SUMF1: variants seen among roughly 807,000 people sequenced by gnomAD.
SUMF1 encodes the protein sulfatase modifying factor 1, also known as formylglycine-generating enzyme.
In SUMF1, 48 loss-of-function variants were observed where a neutral mutation model predicts 47.6. The observed-to-expected ratio is 1.01, with a 90% CI of 0.80 to 1.28. The LOEUF is 1.28. Among genes scored for constraint, SUMF1 ranks in the 50% most tolerant of loss-of-function variants. The probability of loss-of-function intolerance (pLI) is 0.00; values close to 1 mark genes in which losing one functional copy is unlikely to be tolerated. For missense variants in SUMF1, 571 were observed against 485.4 expected, an observed-to-expected ratio of 1.18 and a Z score of -1.66; for synonymous variants, 230 against 192.1, an observed-to-expected ratio of 1.20 and a Z score of -1.63.
chr3:4,303,963 C>CTG, intron 8 of SUMF1: 1 of 852,906 alleles, frequency 1.2e-6, no homozygotes, highest in Admixed American at 4.1e-5. Context: ...CTCCCTCACG[C>CTG]TGTGGGCTCT....
At chr3:4,127,538 C>G (rs1453712446) in intron 8 of SUMF1, among the ~76,000 whole-genome samples, 1 of 152,134 alleles carries the variant, frequency 6.6e-6, no homozygotes, top group Non-Finnish European at 1.5e-5. Flanking sequence ...TTCTCTTGTG[C>G]TGGATGCTTC....
intron 8 of SUMF1, among the ~76,000 whole-genome samples, chr3:4,078,332 T>C (rs568489778): frequency 6.6e-6 from 1 of 151,926 alleles, no homozygotes; most frequent in Admixed American, 6.6e-5. Flanking sequence ...AAACTCAAAC[T>C]ATCCACTACC....
chr3:4,055,495 T>C (rs7648896), intron 9 of SUMF1, among the ~76,000 whole-genome samples: 1 of 152,106 alleles, frequency 6.6e-6, no homozygotes, highest in Non-Finnish European at 1.5e-5. Flanking sequence ...TATTATTAAT[T>C]TTTTAGAGAC....
At chr3:4,241,057 G>A (rs570820880) in intron 8 of SUMF1, among the ~76,000 whole-genome samples, 1 of 152,076 alleles carries the variant, frequency 6.6e-6, no homozygotes, top group South Asian at 2.1e-4. Flanking sequence ...TCAGTAGAAA[G>A]TAATTAGTAG....
chr3:4,252,208 C>T lies in SUMF1; in HGVS notation c.1014+124122G>A, dbSNP rs73115996. On this transcript the variant is annotated intron_variant and NMD_transcript_variant, in intron 8 of 12. Transcript: ENST00000448413. The stretch of plus-strand genomic sequence containing the variant: ...AATATACTGTAGCTACAAATGATGA[C>T]AGAATTAATGGTTGCCCCATGTCCT... Among the ~76,000 whole-genome samples, 1,373 of 152,250 alleles carry T rather than the reference C, an allele frequency of 9.0e-3. 20 individuals are homozygous for T. Among genetic ancestry groups the T allele is most frequent in the African/African-American group, 0.032 (1,309 of 41,540 alleles).
At chr3:4,298,668 T>A (rs1202879074) in intron 8 of SUMF1, among the ~76,000 whole-genome samples, 1 of 152,222 alleles carries the variant, frequency 6.6e-6, no homozygotes, top group Non-Finnish European at 1.5e-5. Context: ...ATTCTGTAAG[T>A]ATATAGTTAT....
At chr3:4,140,595 T>C (rs1318530286) in intron 8 of SUMF1, among the ~76,000 whole-genome samples, 1 of 152,050 alleles carries the variant, frequency 6.6e-6, no homozygotes, top group Non-Finnish European at 1.5e-5. Flanking sequence ...ATTTTTCTAT[T>C]CATATACTCC....
intron 8 of SUMF1, among the ~76,000 whole-genome samples, chr3:4,259,214 G>C (rs910452952): frequency 6.6e-6 from 1 of 151,878 alleles, no homozygotes; most frequent in African/African-American, 2.4e-5. Flanking sequence ...GTATACATAT[G>C]TAAGTAACCT....
In SUMF1 at chr3:4,362,119, G is replaced by A; in HGVS notation, c.*25C>T. 6.2e-7 allele frequency: 1 copy of A among 1,606,218 alleles called. No homozygotes were observed. The highest frequency in any genetic ancestry group is 2.2e-5 in the East Asian group (1 of 44,828). On this transcript the variant is annotated 3_prime_UTR_variant, in exon 9 of 9. Transcript: ENST00000272902. Reference sequence around the variant, plus strand: ...GTAGGTCAGACACGACTGCTCCTTGGACTGGGGAAGACTTTCCTTGGTTGT... The same window carrying A: ...GTAGGTCAGACACGACTGCTCCTTGAACTGGGGAAGACTTTCCTTGGTTGT...
At chr3:4,320,445 A>G (rs976667556) in intron 8 of SUMF1, among the ~76,000 whole-genome samples, 3 of 152,172 alleles carry the variant, frequency 2.0e-5, no homozygotes, top group Admixed American at 6.5e-5. Context: ...TTAAGAAGAG[A>G]AAGACCATTT....
At chr3:4,209,230 A>G (rs910048228) in intron 8 of SUMF1, among the ~76,000 whole-genome samples, 1 of 152,202 alleles carries the variant, frequency 6.6e-6, no homozygotes, top group Non-Finnish European at 1.5e-5. Flanking sequence ...TCCAATATGT[A>G]TAAATTTTAC....
chr3:4,411,690 G>T (rs577132058), intron 6 of SUMF1, among the ~76,000 whole-genome samples: 3 of 147,346 alleles, frequency 2.0e-5, no homozygotes, highest in African/African-American at 7.6e-5. Context: ...TTTATAAAAG[G>T]GGGGAGAGCA....
rs1699742062 is a variant in SUMF1 at position 4,361,150 on chromosome 3, A to T, written c.*994T>A. On this transcript the variant is annotated 3_prime_UTR_variant, in exon 9 of 9. Coordinates refer to ENST00000272902, the MANE Select transcript of SUMF1 (RefSeq NM_182760.4). The stretch of plus-strand genomic sequence containing the variant: ...AAGAAGCTGATGACGGTGAAGCCTG[A>T]TTTAGCAGATACGTTTATTCAACAC... 2 of 152,358 alleles carry T rather than the reference A, an allele frequency of 1.3e-5. No individual in the cohort carries two copies. The highest frequency in any genetic ancestry group is 2.9e-5 in the Non-Finnish European group (2 of 68,036). 9.4% of individuals were successfully genotyped at this position (152,358 alleles called of 1,614,324 possible). A position where few individuals can be genotyped will look rare whatever the true frequency, so the allele number is the denominator to read the frequency against.
intron 8 of SUMF1, among the ~76,000 whole-genome samples, chr3:4,235,265 T>A (rs1299226376): frequency 1.3e-5 from 2 of 152,138 alleles, no homozygotes; most frequent in African/African-American, 4.8e-5. Context: ...CTTATTTTCT[T>A]GCCTGAGCAA....
intron 8 of SUMF1, among the ~76,000 whole-genome samples, chr3:4,073,324 T>C (rs557420780): frequency 2.6e-5 from 4 of 151,866 alleles, no homozygotes; most frequent in Non-Finnish European, 5.9e-5. Context: ...TTACAAGAGC[T>C]CCTAAAGGAA....
At chr3:4,225,007 G>A (rs1296325404) in intron 8 of SUMF1, among the ~76,000 whole-genome samples, 2 of 152,006 alleles carry the variant, frequency 1.3e-5, no homozygotes, top group East Asian at 1.9e-4. Context: ...CAAGGGTTCT[G>A]ACAAAAACTC....
At chr3:4,459,067 G>C (rs1035046125) in intron 1 of SUMF1, among the ~76,000 whole-genome samples, 1 of 152,164 alleles carries the variant, frequency 6.6e-6, no homozygotes, top group Non-Finnish European at 1.5e-5. Flanking sequence ...GAAAGATGTT[G>C]ATCAGACGGT....
intron 8 of SUMF1, among the ~76,000 whole-genome samples, chr3:4,071,521 T>C (rs1045583294): frequency 2.0e-5 from 3 of 152,216 alleles, no homozygotes; most frequent in African/African-American, 7.2e-5. Flanking sequence ...GCAGGTCCCA[T>C]GCCCACAGAG....
intron 8 of SUMF1, among the ~76,000 whole-genome samples, chr3:4,231,073 C>G (rs1351926328): frequency 5.3e-5 from 8 of 152,064 alleles, no homozygotes; most frequent in Non-Finnish European, 1.2e-4. Flanking sequence ...AGAACACCAG[C>G]TAACAGATAT....
Sources: gnomAD v4.1 joint callset for allele counts (sites outside exome capture counted in the v4.1 genomes callset) on GRCh38, gnomAD v4.1.1 for gene constraint, MANE v1.5 for transcripts, NCBI Gene and HGNC (gene_info 2026-07-23, HGNC 2026-07-21) for gene names.